Variants in CFAP206 observed in about 807,000 individuals in gnomAD.
CFAP206 encodes the protein cilia and flagella associated protein 206.
A neutral mutation model predicts 65.4 loss-of-function variants in CFAP206; 53 were observed. The observed-to-expected ratio is 0.81, with a 90% CI of 0.65 to 1.02. The LOEUF is 1.02. Ranked by LOEUF, CFAP206 falls within the 50% of genes least tolerant of loss-of-function variation. The pLI, the probability that CFAP206 is intolerant of heterozygous loss-of-function variation, is 0.00. For missense variants in CFAP206, 663 were observed against 753.2 expected (o/e 0.88, Z 1.40); for synonymous variants, 250 against 254.4 (o/e 0.98, Z 0.17).
At chr6:87,418,463 CTT>C in intron 7 of CFAP206, 47 bp downstream of exon 7, 4 of 1,528,674 alleles carry the variant, frequency 2.6e-6, no homozygotes, top group Non-Finnish European at 3.6e-6. Context: ...AATGCAATCT[CTT>C]TATATAAGGC....
chr6:87,432,579 T>C (rs1300877085), intron 10 of CFAP206, among the ~76,000 whole-genome samples: 1 of 152,054 alleles, frequency 6.6e-6, no homozygotes, highest in Non-Finnish European at 1.5e-5. Flanking sequence ...GGAAAAGCTA[T>C]GGGCTAGGGT....
intron 11 of CFAP206, among the ~76,000 whole-genome samples, chr6:87,450,954 C>A (rs1296545340): frequency 6.6e-6 from 1 of 152,176 alleles, no homozygotes; most frequent in African/African-American, 2.4e-5. Flanking sequence ...TAGCATAAAG[C>A]AGTACAGGGC....
At chr6:87,418,146 C>A in intron 6 of CFAP206, 62 bp from the exon 7 acceptor site, 3 of 1,433,102 alleles carry the variant, frequency 2.1e-6, no homozygotes, top group Admixed American at 1.8e-5. Flanking sequence ...ACTTTCTAGG[C>A]TTCTTCTCCT....
At chr6:87,443,588 C>A (rs1768389261) in intron 11 of CFAP206, among the ~76,000 whole-genome samples, 1 of 150,132 alleles carries the variant, frequency 6.7e-6, no homozygotes, top group African/African-American at 2.4e-5. Context: ...TTTTACTATA[C>A]TATGAGAGTT....
At chr6:87,410,000 G>A in intron 2 of CFAP206, 53 bp downstream of exon 2, 2 of 1,239,276 alleles carry the variant, frequency 1.6e-6, no homozygotes, top group Non-Finnish European at 1.2e-6. Flanking sequence ...TTTTTAAGAT[G>A]TGGTGTCCAT....
intron 2 of CFAP206, among the ~76,000 whole-genome samples, chr6:87,410,179 G>A (rs6454617): frequency 0.31 from 46,970 of 152,064 alleles, 7,487 homozygotes; most frequent in African/African-American, 0.39. Context: ...CATCAATAAT[G>A]TTCTCCTGTG....
intron 11 of CFAP206, 73 bp from the exon 12 acceptor site, chr6:87,460,949 G>A: frequency 1.5e-6 from 2 of 1,328,684 alleles, no homozygotes; most frequent in Non-Finnish European, 2.0e-6. Context: ...GTTAGTTTTA[G>A]CTAAATATTT....
chr6:87,438,447 G>A (rs181007968), intron 11 of CFAP206, among the ~76,000 whole-genome samples: 10 of 128,080 alleles, frequency 7.8e-5, no homozygotes, highest in Admixed American at 4.9e-4. Context: ...GCAACAGAGC[G>A]AGACTCTTGT....
At chr6:87,428,957 A>G in intron 9 of CFAP206, 133 bp downstream of exon 9, 1 of 924,056 alleles carries the variant, frequency 1.1e-6, no homozygotes, top group South Asian at 1.6e-5. Context: ...AGTACTAATG[A>G]GGGCCGGGTG....
intron 7 of CFAP206, 97 bp from the exon 8 acceptor site, chr6:87,426,429 C>T (rs1768044730): frequency 3.5e-6 from 3 of 868,174 alleles, no homozygotes; most frequent in Non-Finnish European, 4.9e-6. Flanking sequence ...ATTGAGCCTA[C>T]TTTCAGAGGA....
At chr6:87,461,389 TATC>T (rs1167284454) in intron 12 of CFAP206, among the ~76,000 whole-genome samples, 25 of 152,346 alleles carry the variant, frequency 1.6e-4, no homozygotes, top group African/African-American at 6.0e-4. Flanking sequence ...TCTATCTGTC[TATC>T]ATCAGTTTTA....
intron 11 of CFAP206, among the ~76,000 whole-genome samples, chr6:87,460,320 C>T (rs1274428324): frequency 6.6e-6 from 1 of 152,164 alleles, no homozygotes; most frequent in Non-Finnish European, 1.5e-5. Context: ...TGGATAATAA[C>T]CTGCTATGTA....
At chr6:87,430,657 A>G (rs1327499602) in intron 9 of CFAP206, among the ~76,000 whole-genome samples, 2 of 151,978 alleles carry the variant, frequency 1.3e-5, no homozygotes, top group Non-Finnish European at 1.5e-5. Context: ...ATTCTGCTCA[A>G]CTCCTTGGGT....
intron 11 of CFAP206, among the ~76,000 whole-genome samples, chr6:87,440,543 C>T (rs1768345798): frequency 6.6e-6 from 1 of 152,036 alleles, no homozygotes; most frequent in African/African-American, 2.4e-5. Context: ...AATCAGAGGA[C>T]TGCAAATGCA....
chr6:87,441,200 G>T, intron 11 of CFAP206: 1 of 306,792 alleles, frequency 3.3e-6, no homozygotes, highest in Non-Finnish European at 5.1e-6. Context: ...AGCAAAACTG[G>T]TAAAAACAAA....
chr6:87,454,410 T>C (rs1768600482), intron 11 of CFAP206, among the ~76,000 whole-genome samples: 1 of 152,176 alleles, frequency 6.6e-6, no homozygotes, highest in Non-Finnish European at 1.5e-5. Context: ...TACATTTTGT[T>C]CAAAGGCGAC....
Position 87,464,004 on chromosome 6 carries a change from TTC to T in CFAP206, c.1639-12_1639-11del. 6.3e-7 allele frequency: 1 copy of T among 1,586,782 alleles called. No homozygotes were observed. Among genetic ancestry groups the T allele is most frequent in the Non-Finnish European group, 8.6e-7 (1 of 1,157,654 alleles). ...CTTTAGAGAAATGTTAATTCCTGTA[TTC>T]TCTTTCTCTTTAGGCTAATTTGCGC... On this transcript the variant is annotated splice_polypyrimidine_tract_variant and intron_variant, in intron 12 of 12. Transcript: ENST00000369562.
chr6:87,418,529 G>A (rs1019785426), intron 7 of CFAP206, 113 bp downstream of exon 7: 15 of 802,654 alleles, frequency 1.9e-5, no homozygotes, highest in East Asian at 2.6e-5. Context: ...GTAACTGCTC[G>A]GTTTATATTG....
chr6:87,427,233 G>A (rs979842218), intron 8 of CFAP206, among the ~76,000 whole-genome samples: 2 of 152,162 alleles, frequency 1.3e-5, no homozygotes, highest in African/African-American at 2.4e-5. Flanking sequence ...CGCCTCCTGG[G>A]TTCACGCCAT....
Sources: gnomAD v4.1 joint callset for allele counts (sites outside exome capture counted in the v4.1 genomes callset) on GRCh38, gnomAD v4.1.1 for gene constraint, MANE v1.5 for transcripts, NCBI Gene and HGNC (gene_info 2026-07-23, HGNC 2026-07-21) for gene names.